The following SPMIP2 variants were observed in gnomAD, a reference collection of about 807,000 sequenced individuals.
The protein encoded by SPMIP2 is sperm microtubule inner protein 2, also known as protein SPMIP2.
chr4:158,913,879 G>A, the SPMIP2 span, among the ~76,000 whole-genome samples: 2 of 151,812 alleles, frequency 1.3e-5, no homozygotes, highest in Non-Finnish European at 2.9e-5. Context: ...GAAGTTGGGG[G>A]GCATCATGTC....
At chr4:159,007,436 G>A in the SPMIP2 span, 2 of 675,558 alleles carry the variant, frequency 3.0e-6, no homozygotes, top group Non-Finnish European at 5.6e-6. Context: ...GCTTGCCCTG[G>A]TTAAGCCAGG....
chr4:159,025,223 G>A, the SPMIP2 span, among the ~76,000 whole-genome samples: 109 of 152,290 alleles, frequency 7.2e-4, no homozygotes, highest in African/African-American at 2.6e-3. Context: ...GGAGTGCAGT[G>A]GCATGATCTT....
At chr4:158,939,887 T>C in the SPMIP2 span, among the ~76,000 whole-genome samples, 5 of 152,140 alleles carry the variant, frequency 3.3e-5, no homozygotes, top group Admixed American at 3.3e-4. Flanking sequence ...TTTTTCACAG[T>C]ACACTTTTCT....
At chr4:158,904,757 CTT>C in the SPMIP2 span, 112 of 531,938 alleles carry the variant, frequency 2.1e-4, no homozygotes, top group African/African-American at 2.0e-3. Flanking sequence ...GTCGTGAACA[CTT>C]TAGGCCATTT....
the SPMIP2 span, among the ~76,000 whole-genome samples, chr4:158,923,487 T>C: frequency 1.3e-5 from 2 of 152,202 alleles, no homozygotes; most frequent in African/African-American, 2.4e-5. Flanking sequence ...TCTTTTGATA[T>C]TATAAATGAA....
chr4:159,012,328 T>C, the SPMIP2 span, among the ~76,000 whole-genome samples: 1 of 152,130 alleles, frequency 6.6e-6, no homozygotes, highest in Admixed American at 6.5e-5. Context: ...TTCCTAAACT[T>C]GATGTATGAG....
chr4:159,020,586 A>T, the SPMIP2 span, among the ~76,000 whole-genome samples: 1 of 151,994 alleles, frequency 6.6e-6, no homozygotes, highest in Non-Finnish European at 1.5e-5. Flanking sequence ...CTTTCCAGTT[A>T]TCTGCGAGGC....
the SPMIP2 span, among the ~76,000 whole-genome samples, chr4:159,034,413 T>C: frequency 6.6e-6 from 1 of 152,260 alleles, no homozygotes; most frequent in Admixed American, 6.5e-5. Context: ...ATGAAAAGTA[T>C]GTTTTTTATT....
chr4:158,922,217 T>C, the SPMIP2 span, among the ~76,000 whole-genome samples: 3 of 152,142 alleles, frequency 2.0e-5, no homozygotes, highest in African/African-American at 7.2e-5. Flanking sequence ...ATCTGCCTCC[T>C]TGTCTATAAC....
the SPMIP2 span, among the ~76,000 whole-genome samples, chr4:158,984,925 A>G: frequency 6.6e-6 from 1 of 151,944 alleles, no homozygotes; most frequent in African/African-American, 2.4e-5. Flanking sequence ...AATCAAATAG[A>G]CGCAATAAAA....
chr4:158,904,093 G>A, the SPMIP2 span, among the ~76,000 whole-genome samples: 5 of 152,208 alleles, frequency 3.3e-5, no homozygotes, highest in Non-Finnish European at 4.4e-5. Flanking sequence ...GCATTTAGAA[G>A]TGTTGACTGG....
At chr4:158,957,051 T>C in the SPMIP2 span, among the ~76,000 whole-genome samples, 100,835 of 151,672 alleles carry the variant, frequency 0.66, 33,686 homozygotes, top group South Asian at 0.8. Context: ...CCTGCCTCAG[T>C]CTCCCCAGTA....
chr4:158,948,697 C>T, the SPMIP2 span, among the ~76,000 whole-genome samples: 1 of 151,322 alleles, frequency 6.6e-6, no homozygotes, highest in Non-Finnish European at 1.5e-5. Context: ...ATGGCAGCTT[C>T]GATCTCCCAA....
the SPMIP2 span, among the ~76,000 whole-genome samples, chr4:159,030,579 C>T: frequency 6.6e-6 from 1 of 151,918 alleles, no homozygotes; most frequent in Non-Finnish European, 1.5e-5. Flanking sequence ...TCACTGCAAC[C>T]TCTGCCTTCT....
At chr4:158,956,757 C>A in the SPMIP2 span, among the ~76,000 whole-genome samples, 1 of 152,072 alleles carries the variant, frequency 6.6e-6, no homozygotes, top group Non-Finnish European at 1.5e-5. Context: ...CAAATATGGT[C>A]TCTTCTTTTC....
At chr4:159,005,833 C>T in the SPMIP2 span, among the ~76,000 whole-genome samples, 8 of 152,238 alleles carry the variant, frequency 5.3e-5, no homozygotes, top group East Asian at 9.6e-4. Context: ...GGTGCAATCT[C>T]GGCTCACTGT....
At chr4:158,964,046 T>C in the SPMIP2 span, among the ~76,000 whole-genome samples, 1 of 151,832 alleles carries the variant, frequency 6.6e-6, no homozygotes, top group Non-Finnish European at 1.5e-5. Context: ...TCCCAGCTAC[T>C]CGAGAGGCTG....
chr4:158,991,971 A>G, the SPMIP2 span, among the ~76,000 whole-genome samples: 1 of 152,280 alleles, frequency 6.6e-6, no homozygotes, highest in South Asian at 2.1e-4. Context: ...AGCTCACTGC[A>G]GCCTTGACCA....
the SPMIP2 span, among the ~76,000 whole-genome samples, chr4:159,019,780 G>A: frequency 6.6e-6 from 1 of 152,186 alleles, no homozygotes. Context: ...ACTAAAATCA[G>A]AAGAAAAGGC....
Sources: gnomAD v4.1 joint callset for allele counts (sites outside exome capture counted in the v4.1 genomes callset) on GRCh38, gnomAD v4.1.1 for gene constraint, MANE v1.5 for transcripts, NCBI Gene and HGNC (gene_info 2026-07-23, HGNC 2026-07-21) for gene names.